FANCA: variants seen among roughly 807,000 people sequenced by gnomAD.
The protein encoded by FANCA is Fanconi anemia group A protein.
A neutral mutation model predicts 194.3 loss-of-function variants in FANCA; 236 were observed. That is an observed-to-expected ratio of 1.21 (90% CI 1.09 to 1.35). The LOEUF (loss-of-function observed/expected upper bound fraction) is 1.35. Among genes scored for constraint, FANCA ranks in the 40% most tolerant of loss-of-function variants. The probability of loss-of-function intolerance (pLI) is 0.00; values close to 1 mark genes in which losing one functional copy is unlikely to be tolerated. For missense variants in FANCA, 2,628 were observed against 1,813.9 expected (o/e 1.45, Z -8.15); for synonymous variants, 1,014 against 715.8 (o/e 1.42, Z -6.65).
At chr16:89,748,455 G>C (rs984296700) in intron 33 of FANCA, among the ~76,000 whole-genome samples, 1 of 152,238 alleles carries the variant, frequency 6.6e-6, no homozygotes, top group Non-Finnish European at 1.5e-5. Flanking sequence ...GCAACCTACA[G>C]CTGGTTTGGT....
chr16:89,773,895 G>A (rs2039408218), intron 21 of FANCA, among the ~76,000 whole-genome samples: 1 of 150,676 alleles, frequency 6.6e-6, no homozygotes, highest in Non-Finnish European at 1.5e-5. Flanking sequence ...TCAGCCTCCC[G>A]AGTAGCTGGG....
At chr16:89,779,095 G>T in intron 18 of FANCA, 92 bp from the exon 19 acceptor site, 1 of 1,208,110 alleles carries the variant, frequency 8.3e-7, no homozygotes, top group Non-Finnish European at 1.2e-6. Flanking sequence ...AGTGGACTGC[G>T]AGGGCTCACT....
At chr16:89,792,434 C>T (rs766984055) in intron 12 of FANCA, 37 bp downstream of exon 12, 15 of 1,597,750 alleles carry the variant, frequency 9.4e-6, no homozygotes, top group Middle Eastern at 2.0e-4. Context: ...CCCCCCGCCA[C>T]GAGCTCAGAA....
At chr16:89,787,462 G>A (rs1324937553) in intron 14 of FANCA, among the ~76,000 whole-genome samples, 5 of 152,132 alleles carry the variant, frequency 3.3e-5, no homozygotes, top group African/African-American at 9.7e-5. Flanking sequence ...GGTGGTTACC[G>A]TGAGCCAAGG....
At chr16:89,764,796 C>T (rs760887141) in intron 28 of FANCA, 94 bp downstream of exon 28, 90 of 1,423,152 alleles carry the variant, frequency 6.3e-5, no homozygotes, top group African/African-American at 2.1e-4. Context: ...GGGGAAGGAA[C>T]GGTCACCTAC....
chr16:89,771,737 C>G lies in FANCA; in HGVS notation c.2092G>C (p.Glu698Gln). The G allele has an allele frequency of 6.2e-7, 1 of 1,614,160 alleles. No homozygotes were observed. Among genetic ancestry groups the G allele is most frequent in the Non-Finnish European group, 8.5e-7 (1 of 1,180,028 alleles). Residue 698 changes from glutamate (E) to glutamine (Q), a missense_variant, in exon 23 of 43, where the codon GAG becomes CAG. By Grantham distance (29) the Glu-to-Gln change is conservative (BLOSUM62 2). Coordinates refer to ENST00000389301, the MANE Select transcript of FANCA (RefSeq NM_000135.4). ...LGHNEDDSSV[E>Q]ISKIQLSINT... ...ATGCTGAGCTGAATCTTTGATATCT[C>G]AACGCTGCTGTCATCCTCATTGTGG...
rs55638565 is a variant in FANCA at position 89,739,819 on chromosome 16, C to T, written c.3934+175G>A. 2.0e-4 allele frequency: 294 copies of T among 1,467,922 alleles called. 2 individuals are homozygous for T. The East Asian group carries it at 7.1e-3, about 35-fold the overall frequency. 90.9% of individuals were successfully genotyped at this position (1,467,922 alleles called of 1,614,324 possible). A position where few individuals can be genotyped will look rare whatever the true frequency, so the allele number is the denominator to read the frequency against. ...ATTGGTCCTGGGGTTGACCAGTGAG[C>T]CAGTAAATTATCTTATTGCTTTAAA... On this transcript the variant is annotated intron_variant, in intron 39 of 42. Transcript: ENST00000389301.
intron 35 of FANCA, 122 bp downstream of exon 35, chr16:89,746,462 T>C (rs2038393443): frequency 1.2e-6 from 1 of 802,612 alleles, no homozygotes; most frequent in African/African-American, 1.7e-5. Flanking sequence ...CCATGTCTCC[T>C]GATGCATTTT....
At chr16:89,771,920 G>T in intron 22 of FANCA, 106 bp from the exon 23 acceptor site, 1 of 1,322,800 alleles carries the variant, frequency 7.6e-7, no homozygotes, top group Non-Finnish European at 1.1e-6. Context: ...CACGGATCCT[G>T]CTGACTGCAC....
intron 8 of FANCA, 67 bp from the exon 9 acceptor site, chr16:89,799,705 A>G (rs1459071148): frequency 1.5e-6 from 2 of 1,309,070 alleles, no homozygotes; most frequent in Non-Finnish European, 2.2e-6. Flanking sequence ...CCTGCATCAC[A>G]CAAGAGAATT....
intron 7 of FANCA, among the ~76,000 whole-genome samples, chr16:89,803,662 C>T (rs1005812614): frequency 2.2e-4 from 31 of 143,528 alleles, no homozygotes; most frequent in Non-Finnish European, 4.0e-4. Flanking sequence ...CTTGCTCTGT[C>T]GCCTGGGCTT....
chr16:89,791,545 G>T lies in FANCA; in HGVS notation c.1226-9C>A, dbSNP rs771793265. 1 of 1,613,934 alleles carries T rather than the reference G, an allele frequency of 6.2e-7. No homozygotes were observed. The highest frequency in any genetic ancestry group is 1.1e-5 in the South Asian group (1 of 91,072). On this transcript the variant is annotated splice_polypyrimidine_tract_variant and intron_variant, in intron 13 of 42. Coordinates refer to ENST00000389301, the MANE Select transcript of FANCA (RefSeq NM_000135.4). ...CAAACGCGCCACCCAGTCTAGTTAAGAACCATGACATAGTCACAGCAAGGC... is the reference window on the plus strand; with the variant it reads ...CAAACGCGCCACCCAGTCTAGTTAATAACCATGACATAGTCACAGCAAGGC...
chr16:89,765,864 G>A (rs541915498), intron 27 of FANCA, among the ~76,000 whole-genome samples: 17 of 152,296 alleles, frequency 1.1e-4, no homozygotes, highest in African/African-American at 3.6e-4. Context: ...CTGGAAATAC[G>A]TGCACCCTGG....
rs1300380574 is a variant in FANCA, at chr16:89,816,554, G to C, written c.62C>G (p.Ala21Gly). 15 of 1,509,732 alleles carry C rather than the reference G, an allele frequency of 9.9e-6. No homozygotes were observed. The highest frequency in any genetic ancestry group is 1.3e-5 in the Non-Finnish European group (15 of 1,136,734). 93.5% of individuals were successfully genotyped at this position (1,509,732 alleles called of 1,614,324 possible). ...CCACCTACCCAGCAGCTCGGCCCAG[G>C]CCCTCCGGCGGCCCCCTGGGTCCTG... ...SGQDPGGRRR[A>G]WAELLAGRVK... The change falls in exon 1 of 43, where the codon GCC becomes GGC. Residue 21 changes from alanine (A) to glycine (G), a missense_variant. Physicochemically the swap from Ala to Gly is moderately conservative, Grantham distance 60. Transcript: ENST00000389301.
rs1460026241 is a variant in FANCA, at chr16:89,792,546, T to C, written c.1008A>G (p.Ala336=). ...CTCTCTGCATCTGAACAGCATCAGA[T>C]GCTGCAGGGGGAGAAACAGACAAAA... ...QILTHSPVLK[A]SDAVQMQREW... is the part of the protein sequence containing the mutation. The change falls in exon 12 of 43, where the codon GCA becomes GCG. Residue 336 remains alanine, a splice_region_variant and synonymous_variant. Transcript: ENST00000389301. 6.8e-6 allele frequency: 11 copies of C among 1,612,792 alleles called. No individual in the cohort carries two copies. In the Admixed American group the frequency reaches 1.8e-4, roughly 27 times the overall value.
At chr16:89,790,190 T>C (rs1178635184) in intron 14 of FANCA, among the ~76,000 whole-genome samples, 1 of 150,428 alleles carries the variant, frequency 6.6e-6, no homozygotes, top group Non-Finnish European at 1.5e-5. Context: ...CCACTTAAGG[T>C]CAGGATTTTG....
chr16:89,787,294 C>T (rs1249024587), intron 14 of FANCA, among the ~76,000 whole-genome samples: 3 of 152,066 alleles, frequency 2.0e-5, no homozygotes, highest in South Asian at 4.2e-4. Flanking sequence ...GAGGCTGAGG[C>T]GGGCAGATCA....
At chr16:89,792,684 G>C in intron 11 of FANCA, 137 bp from the exon 12 acceptor site, 1 of 722,460 alleles carries the variant, frequency 1.4e-6, no homozygotes. Context: ...AAAGATACAA[G>C]ACAAAGAGAT....
chr16:89,768,765 T>C (rs146228892), intron 26 of FANCA, among the ~76,000 whole-genome samples: 7 of 152,290 alleles, frequency 4.6e-5, no homozygotes, highest in African/African-American at 1.7e-4. Flanking sequence ...CCGAGTTCAG[T>C]ATTTTGCTTT....
Sources: gnomAD v4.1 joint callset for allele counts (sites outside exome capture counted in the v4.1 genomes callset) on GRCh38, gnomAD v4.1.1 for gene constraint, MANE v1.5 for transcripts, NCBI Gene and HGNC (gene_info 2026-07-23, HGNC 2026-07-21) for gene names.